The following NRP1 variants were observed in gnomAD, a reference collection of about 807,000 sequenced individuals.
The protein encoded by NRP1 is neuropilin-1.
In NRP1, 35 loss-of-function variants were observed where a neutral mutation model predicts 106.7. The ratio of observed to expected loss-of-function variants is 0.33; its 90% confidence interval spans 0.25 to 0.43. NRP1 has a LOEUF of 0.43. NRP1 is among the 20% of genes least tolerant of loss of function. NRP1 has a pLI of 1.00. For missense variants in NRP1, 1,024 were observed against 1,170.4 expected (o/e 0.87, Z 1.83); for synonymous variants, 437 against 417.9 (o/e 1.05, Z -0.56).
intron 3 of NRP1, among the ~76,000 whole-genome samples, chr10:33,267,664 C>T (rs1461912542): frequency 6.6e-6 from 1 of 151,964 alleles, no homozygotes; most frequent in African/African-American, 2.4e-5. Flanking sequence ...GCCTGAAGAC[C>T]AAGGGAAGGA....
intron 2 of NRP1, among the ~76,000 whole-genome samples, chr10:33,305,929 C>A (rs371497686): frequency 2.0e-5 from 3 of 151,766 alleles, no homozygotes; most frequent in South Asian, 2.1e-4. Flanking sequence ...CCACCACGCC[C>A]GGCTAATTTT....
chr10:33,186,176 C>T (rs1410395046), intron 14 of NRP1, 41 bp downstream of exon 14: 2 of 1,539,072 alleles, frequency 1.3e-6, no homozygotes, highest in Non-Finnish European at 1.8e-6. Flanking sequence ...CTCAGCATTC[C>T]TGCAGCCACT....
intron 7 of NRP1, 92 bp downstream of exon 7, chr10:33,226,042 C>G (rs1839637604): frequency 2.2e-6 from 3 of 1,383,410 alleles, no homozygotes; most frequent in African/African-American, 1.4e-5. Flanking sequence ...AAAAATAAAC[C>G]AGGCCAGACA....
At chr10:33,230,991 C>T (rs145737380) in intron 6 of NRP1, among the ~76,000 whole-genome samples, 4 of 152,192 alleles carry the variant, frequency 2.6e-5, no homozygotes, top group East Asian at 3.9e-4. Context: ...CCTTTTTAGC[C>T]TCCTGCTACA....
At chr10:33,287,294 T>C (rs1357800715) in intron 2 of NRP1, among the ~76,000 whole-genome samples, 1 of 152,224 alleles carries the variant, frequency 6.6e-6, no homozygotes, top group African/African-American at 2.4e-5. Context: ...ACACAGGCTG[T>C]GCAAATATTT....
In NRP1 at chr10:33,283,675, C is replaced by T. The variant is rs16934339; in HGVS notation, c.249-12819G>A. The stretch of plus-strand genomic sequence containing the variant: ...GACTAATGAATTGGTGTACAGCAAA[C>T]CTTTAACTATCTCTATATTAGGAAC... On this transcript the variant is annotated intron_variant, in intron 2 of 16. Coordinates refer to ENST00000374867, the MANE Select transcript of NRP1 (RefSeq NM_003873.7). Among the ~76,000 whole-genome samples, 677 of 152,146 alleles carry T rather than the reference C, an allele frequency of 4.4e-3. 6 individuals carry two copies. The highest frequency in any genetic ancestry group is 0.016 in the African/African-American group (656 of 41,524).
At chr10:33,262,473 C>T (rs1296084073) in intron 4 of NRP1, among the ~76,000 whole-genome samples, 1 of 152,030 alleles carries the variant, frequency 6.6e-6, no homozygotes, top group Non-Finnish European at 1.5e-5. Context: ...GAGGCTGAGG[C>T]AGGAGGATCT....
At chr10:33,320,935 G>A (rs1847457227) in intron 2 of NRP1, among the ~76,000 whole-genome samples, 1 of 152,186 alleles carries the variant, frequency 6.6e-6, no homozygotes, top group African/African-American at 2.4e-5. Flanking sequence ...ACTGGAATTT[G>A]TCAACTTGAC....
rs143124682 is a variant in NRP1 at position 33,207,655 on chromosome 10, G to A, written c.1676C>T (p.Thr559Met). The A allele has an allele frequency of 2.2e-5, 36 of 1,614,098 alleles. No individual in the cohort carries two copies. Among genetic ancestry groups the A allele is most frequent in the East Asian group, 1.1e-4 (5 of 44,868 alleles). The change falls in exon 10 of 17, where the codon ACG becomes ATG. Residue 559 changes from threonine (T) to methionine (M), a missense_variant. Coordinates refer to ENST00000374867, the MANE Select transcript of NRP1 (RefSeq NM_003873.7). ...CTCGGGGTAGATCCTGATGAATCGCGTGGAGAGAGCTGGAAAAGTCCGCAG... is the reference window on the plus strand; with the variant it reads ...CTCGGGGTAGATCCTGATGAATCGCATGGAGAGAGCTGGAAAAGTCCGCAG... ...PELRTFPALS[T>M]RFIRIYPERA...
chr10:33,247,691 G>T (rs75194564), intron 6 of NRP1, among the ~76,000 whole-genome samples: 13,030 of 152,218 alleles, frequency 0.086, 625 homozygotes, highest in Middle Eastern at 0.2. Flanking sequence ...AGTGGCCAGA[G>T]AGCTTTGCAA....
intron 2 of NRP1, among the ~76,000 whole-genome samples, chr10:33,307,511 CATAG>C (rs1564474538): frequency 6.6e-6 from 1 of 152,008 alleles, no homozygotes. Context: ...TCTTTGAAAA[CATAG>C]ATATAGTTTT....
intron 10 of NRP1, among the ~76,000 whole-genome samples, chr10:33,204,854 C>T (rs1050628029): frequency 3.3e-5 from 5 of 152,112 alleles, no homozygotes; most frequent in East Asian, 3.9e-4. Flanking sequence ...GCCTCAGCCT[C>T]ACGAGTAGCT....
chr10:33,276,683 G>A (rs1482825093), intron 2 of NRP1, among the ~76,000 whole-genome samples: 5 of 152,134 alleles, frequency 3.3e-5, no homozygotes, highest in Non-Finnish European at 7.3e-5. Context: ...GTGGGGGGAT[G>A]GGTGTGTCCT....
chr10:33,192,863 T>C (rs184512315), intron 12 of NRP1, among the ~76,000 whole-genome samples: 1 of 152,218 alleles, frequency 6.6e-6, no homozygotes, highest in African/African-American at 2.4e-5. Context: ...AAGTGGAAAG[T>C]AACTTGGCGA....
At chr10:33,301,523 G>A (rs930336133) in intron 2 of NRP1, among the ~76,000 whole-genome samples, 3 of 152,104 alleles carry the variant, frequency 2.0e-5, no homozygotes, top group African/African-American at 4.8e-5. Flanking sequence ...TTATTCTCTG[G>A]TTGGCATAGG....
At chr10:33,207,460 G>T in intron 10 of NRP1, 112 bp downstream of exon 10, 1 of 1,143,068 alleles carries the variant, frequency 8.7e-7, no homozygotes, top group Non-Finnish European at 1.3e-6. Context: ...CGAGATAAGG[G>T]GCCTCCCAAG....
chr10:33,223,117 C>T (rs1229724677), intron 7 of NRP1, among the ~76,000 whole-genome samples: 1 of 152,192 alleles, frequency 6.6e-6, no homozygotes, highest in African/African-American at 2.4e-5. Flanking sequence ...GGGTCAGACA[C>T]CTCCTTTTAG....
At chr10:33,237,385 C>A (rs1040425047) in intron 6 of NRP1, among the ~76,000 whole-genome samples, 1 of 151,722 alleles carries the variant, frequency 6.6e-6, no homozygotes, top group Admixed American at 6.6e-5. Context: ...TCATTTGAAC[C>A]ATTCAAAGTG....
intron 12 of NRP1, among the ~76,000 whole-genome samples, chr10:33,195,191 T>C (rs760783813): frequency 1.3e-5 from 2 of 152,128 alleles, no homozygotes; most frequent in Non-Finnish European, 2.9e-5. Context: ...TATAGAGCAG[T>C]TTAACTCACT....
Sources: allele counts gnomAD v4.1 joint callset (sites outside exome capture counted in the v4.1 genomes callset), GRCh38; gene constraint gnomAD v4.1.1; transcripts MANE v1.5; gene names NCBI Gene and HGNC (gene_info 2026-07-23, HGNC 2026-07-21).